Variants in GALNT17 observed in about 807,000 individuals in gnomAD.
The protein encoded by GALNT17 is UDP-GalNAc:polypeptide N-acetylgalactosaminyltransferase-like 3.
Under a neutral mutation model 63.7 loss-of-function variants are expected in GALNT17, and 29 were observed. That is an observed-to-expected ratio of 0.46 (90% CI 0.34 to 0.62). The LOEUF (loss-of-function observed/expected upper bound fraction) is 0.62, where lower values mean the gene tolerates loss of function less well. GALNT17 is among the 20% of genes least tolerant of loss of function. GALNT17 has a pLI of 0.01. For synonymous variants in GALNT17, 305 were observed against 318.3 expected (o/e 0.96, Z 0.45); for missense variants, 603 against 799.6 (o/e 0.75, Z 2.97).
intron 1 of GALNT17, among the ~76,000 whole-genome samples, chr7:71,263,740 G>A (rs548602253): frequency 2.1e-4 from 32 of 152,050 alleles, no homozygotes; most frequent in South Asian, 1.9e-3. Flanking sequence ...TGGCTAACAC[G>A]GTGAAACCCC....
At chr7:71,410,143 CA>C (rs2116416507) in intron 3 of GALNT17, among the ~76,000 whole-genome samples, 1 of 152,108 alleles carries the variant, frequency 6.6e-6, no homozygotes, top group South Asian at 2.1e-4. Flanking sequence ...CATTCTAGGA[CA>C]ATAGGCACTA....
At chr7:71,275,413 AAAG>A (rs1790665016) in intron 1 of GALNT17, among the ~76,000 whole-genome samples, 1 of 152,114 alleles carries the variant, frequency 6.6e-6, no homozygotes, top group Non-Finnish European at 1.5e-5. Flanking sequence ...AAAAAAGAAA[AAAG>A]AAATGCAAAT....
At chr7:71,665,273 A>T (rs1790966735) in intron 6 of GALNT17, 138 bp from the exon 7 acceptor site, 3 of 910,800 alleles carry the variant, frequency 3.3e-6, no homozygotes, top group Non-Finnish European at 5.0e-6. Context: ...CACCGTGCAC[A>T]ACCTCTCATT....
intron 9 of GALNT17, among the ~76,000 whole-genome samples, chr7:71,687,315 C>T (rs1301774361): frequency 6.6e-6 from 1 of 152,206 alleles, no homozygotes; most frequent in East Asian, 1.9e-4. Context: ...ATCCAAACAC[C>T]TTGTCATTAT....
chr7:71,667,773 G>A (rs913462178), intron 7 of GALNT17, among the ~76,000 whole-genome samples: 1 of 150,868 alleles, frequency 6.6e-6, no homozygotes, highest in Non-Finnish European at 1.5e-5. Flanking sequence ...AGTGAAATAG[G>A]TATTATTATT....
chr7:71,150,614 C>T (rs1409112837), intron 1 of GALNT17, among the ~76,000 whole-genome samples: 1 of 151,408 alleles, frequency 6.6e-6, no homozygotes, highest in Non-Finnish European at 1.5e-5. Context: ...AGGTGCATGC[C>T]ATTCTCCTGC....
chr7:71,662,175 C>T lies in GALNT17; in HGVS notation c.1081-3236C>T, dbSNP rs1208989028. 4.6e-5 allele frequency among the ~76,000 whole-genome samples: 7 copies of T among 152,240 alleles called. No individual in the cohort carries two copies. The East Asian group carries it at 1.4e-3, about 30-fold the overall frequency. ...CACCTGTGTTCTTATGACTGGGTTT[C>T]AGGCTTTTGCTAAGGTCTCTTATGC... is the stretch of plus-strand genomic sequence containing the variant. On this transcript the variant is annotated intron_variant, in intron 6 of 10. Transcript: ENST00000333538.
chr7:71,171,213 T>C (rs1562883322), intron 1 of GALNT17, among the ~76,000 whole-genome samples: 1 of 152,182 alleles, frequency 6.6e-6, no homozygotes, highest in South Asian at 2.1e-4. Flanking sequence ...TTAGCTATTA[T>C]AGAATGTAAA....
chr7:71,214,357 A>C (rs888310537), intron 1 of GALNT17, among the ~76,000 whole-genome samples: 1 of 152,128 alleles, frequency 6.6e-6, no homozygotes, highest in African/African-American at 2.4e-5. Flanking sequence ...CTCAGATGAG[A>C]GTTCTGAGAA....
intron 6 of GALNT17, among the ~76,000 whole-genome samples, chr7:71,585,110 C>T (rs1235625256): frequency 2.0e-5 from 3 of 152,166 alleles, no homozygotes; most frequent in Non-Finnish European, 2.9e-5. Flanking sequence ...GTAATTAGAT[C>T]TACAAGGTTG....
intron 5 of GALNT17, among the ~76,000 whole-genome samples, chr7:71,528,863 G>A (rs4719137): frequency 0.75 from 113,363 of 152,060 alleles, 42,539 homozygotes; most frequent in East Asian, 0.79. Context: ...GACCGGGTGT[G>A]GTGGCTCATA....
rs1489104719 is a variant in GALNT17, at chr7:71,471,409, A to C, written c.962+50304A>C. On this transcript the variant is annotated intron_variant, in intron 5 of 10. Transcript: ENST00000333538. ...AGCATTTTTTTTTTCCAAAAAAAAA[A>C]AAAAACAAAAAAAACCAAAAACCAT... 1.1e-4 allele frequency among the ~76,000 whole-genome samples: 16 copies of C among 148,822 alleles called. No individual in the cohort carries two copies. The South Asian group carries it at 1.7e-3, about 16-fold the overall frequency.
intron 5 of GALNT17, among the ~76,000 whole-genome samples, chr7:71,495,875 G>T (rs991843177): frequency 6.6e-6 from 1 of 152,176 alleles, no homozygotes; most frequent in Non-Finnish European, 1.5e-5. Context: ...GATAAAAATG[G>T]GAAGTCCAGG....
chr7:71,585,652 A>G (rs2116907430), intron 6 of GALNT17, among the ~76,000 whole-genome samples: 1 of 151,824 alleles, frequency 6.6e-6, no homozygotes, highest in East Asian at 1.9e-4. Flanking sequence ...TAAATATTTT[A>G]TATGTCTAAA....
At chr7:71,572,515 A>AAAAC (rs1789462826) in intron 6 of GALNT17, among the ~76,000 whole-genome samples, 1 of 129,982 alleles carries the variant, frequency 7.7e-6, no homozygotes, top group Non-Finnish European at 1.7e-5. Context: ...AAAAAAAAAA[A>AAAAC]AAAAAAAAAA....
chr7:71,290,785 A>G (rs147059551), intron 1 of GALNT17, among the ~76,000 whole-genome samples: 169 of 152,238 alleles, frequency 1.1e-3, no homozygotes, highest in African/African-American at 3.9e-3. Context: ...TTACTGTTCT[A>G]CAGACTCTTA....
Position 71,292,659 on chromosome 7 carries a change from G to C in GALNT17, c.239-42891G>C, listed in dbSNP as rs867511545. On this transcript the variant is annotated intron_variant, in intron 1 of 10. Coordinates refer to ENST00000333538, the MANE Select transcript of GALNT17 (RefSeq NM_022479.3). ...GGAGAGAGAGAGAGAGAGACAGAGA[G>C]AGAGAGAGAGTGTGTGTGTGTGTGT... is the stretch of plus-strand genomic sequence containing the variant. 1.3e-3 allele frequency among the ~76,000 whole-genome samples: 153 copies of C among 113,570 alleles called. No homozygotes were observed. In the South Asian group the frequency reaches 0.014, roughly 10 times the overall value. 74.5% of individuals were successfully genotyped at this position (113,570 alleles called of 152,430 possible).
chr7:71,375,204 T>A (rs2116290813), intron 2 of GALNT17, among the ~76,000 whole-genome samples: 1 of 152,204 alleles, frequency 6.6e-6, no homozygotes, highest in Non-Finnish European at 1.5e-5. Flanking sequence ...ATGGCCCAGA[T>A]GTGGGAAGAA....
At chr7:71,146,377 AC>A (rs1417591091) in intron 1 of GALNT17, among the ~76,000 whole-genome samples, 1 of 152,134 alleles carries the variant, frequency 6.6e-6, no homozygotes, top group East Asian at 1.9e-4. Context: ...GCAAGACCTG[AC>A]TTCCTAGCAG....
Sources: gnomAD v4.1 joint callset for allele counts (sites outside exome capture counted in the v4.1 genomes callset) on GRCh38, gnomAD v4.1.1 for gene constraint, MANE v1.5 for transcripts, NCBI Gene and HGNC (gene_info 2026-07-23, HGNC 2026-07-21) for gene names.